LRRC3B: variants seen among roughly 807,000 people sequenced by gnomAD.
LRRC3B encodes the protein leucine-rich repeat-containing protein 3B.
Under a neutral mutation model 12.8 loss-of-function variants are expected in LRRC3B, and 2 were observed. That is an observed-to-expected ratio of 0.16 (90% CI 0.06 to 0.49). The LOEUF (loss-of-function observed/expected upper bound fraction) is 0.49. Among genes scored for constraint, LRRC3B ranks in the 20% least tolerant of loss-of-function variants. The probability of loss-of-function intolerance (pLI) is 0.96; values close to 1 mark genes in which losing one functional copy is unlikely to be tolerated. For missense variants in LRRC3B, 189 were observed against 319.4 expected, an observed-to-expected ratio of 0.59 and a Z score of 3.11; for synonymous variants, 132 against 122.0, an observed-to-expected ratio of 1.08 and a Z score of -0.54.
intron 1 of LRRC3B, among the ~76,000 whole-genome samples, chr3:26,656,053 C>A (rs1186114964): frequency 6.6e-6 from 1 of 152,134 alleles, no homozygotes; most frequent in African/African-American, 2.4e-5. Flanking sequence ...ACTGACTATG[C>A]CTGGTTGTTC....
chr3:26,662,793 C>A (rs750270398), intron 1 of LRRC3B, among the ~76,000 whole-genome samples: 1 of 151,970 alleles, frequency 6.6e-6, no homozygotes, highest in Non-Finnish European at 1.5e-5. Context: ...AGTCTTTTCT[C>A]GGGTTAGTGG....
At chr3:26,662,146 T>G (rs558317385) in intron 1 of LRRC3B, among the ~76,000 whole-genome samples, 69 of 152,300 alleles carry the variant, frequency 4.5e-4, no homozygotes, top group African/African-American at 1.6e-3. Flanking sequence ...CTCTTGAGTT[T>G]GATAATTGAG....
chr3:26,666,400 G>T (rs1699604308), intron 1 of LRRC3B, among the ~76,000 whole-genome samples: 2 of 150,138 alleles, frequency 1.3e-5, no homozygotes. Context: ...TCTGATAATA[G>T]AAAATGTTAA....
At chr3:26,708,351 A>G (rs891163974) in intron 1 of LRRC3B, among the ~76,000 whole-genome samples, 15 of 152,256 alleles carry the variant, frequency 9.9e-5, no homozygotes, top group African/African-American at 3.6e-4. Context: ...ACATAACAGC[A>G]TCAGAAATCA....
intron 1 of LRRC3B, among the ~76,000 whole-genome samples, chr3:26,649,683 C>T (rs1407927266): frequency 1.3e-5 from 2 of 152,148 alleles, no homozygotes; most frequent in African/African-American, 4.8e-5. Flanking sequence ...CTGACAGATT[C>T]ATCATGTTAA....
At chr3:26,625,141 C>T (rs1051545809) in intron 1 of LRRC3B, 1 of 152,636 alleles carries the variant, frequency 6.6e-6, no homozygotes, top group South Asian at 2.1e-4. Flanking sequence ...TTCAGACCTT[C>T]CACGTGCAGG....
At chr3:26,684,287 C>T (rs1272829133) in intron 1 of LRRC3B, among the ~76,000 whole-genome samples, 1 of 152,186 alleles carries the variant, frequency 6.6e-6, no homozygotes, top group Non-Finnish European at 1.5e-5. Context: ...TTAAGTCAGC[C>T]TCAATCTATA....
rs570842930 is a variant in LRRC3B, at chr3:26,638,256, T to TA, written c.-161+15027dup. 4.5e-4 allele frequency among the ~76,000 whole-genome samples: 69 copies of TA among 151,950 alleles called. 1 individual carries two copies. In the South Asian group the frequency reaches 0.014, roughly 32 times the overall value. Reference sequence around the variant, plus strand: ...CTATCATGACTTTAATGTCATGATATAAAAAAAATTTCAGGATTTGTAGAA... The same window carrying TA: ...CTATCATGACTTTAATGTCATGATATAAAAAAAAATTTCAGGATTTGTAGAA... On this transcript the variant is annotated intron_variant, in intron 1 of 1. Transcript: ENST00000396641.
intron 1 of LRRC3B, among the ~76,000 whole-genome samples, chr3:26,670,661 T>G (rs1699701161): frequency 6.6e-6 from 1 of 152,182 alleles, no homozygotes; most frequent in Admixed American, 6.5e-5. Flanking sequence ...AAGTAGTGAG[T>G]CCACATATGA....
At chr3:26,707,832 A>G (rs957640806) in intron 1 of LRRC3B, among the ~76,000 whole-genome samples, 1 of 151,920 alleles carries the variant, frequency 6.6e-6, no homozygotes, top group Non-Finnish European at 1.5e-5. Flanking sequence ...CATGCAATAC[A>G]GTTTTGAAGG....
In LRRC3B at chr3:26,709,669, C is replaced by T; in HGVS notation, c.-4C>T. On this transcript the variant is annotated 5_prime_UTR_variant, in exon 2 of 2. It introduces an in-frame stop codon into an upstream open reading frame of the 5' UTR. Transcript: ENST00000396641. ...TGGGCTCGTGATTATGCTGACATTC[C>T]AGCATGAATCTGGTAGACCTGTGGT... The T allele has an allele frequency of 6.2e-7, 1 of 1,611,722 alleles. No homozygotes were observed. The highest frequency in any genetic ancestry group is 1.1e-5 in the South Asian group (1 of 90,866).
At chr3:26,701,877 A>T (rs1242048133) in intron 1 of LRRC3B, among the ~76,000 whole-genome samples, 1 of 152,196 alleles carries the variant, frequency 6.6e-6, no homozygotes, top group Admixed American at 6.5e-5. Flanking sequence ...TTCCAAAAAA[A>T]GTTATATGGT....
At chr3:26,674,985 G>A (rs141612006) in intron 1 of LRRC3B, among the ~76,000 whole-genome samples, 108 of 152,238 alleles carry the variant, frequency 7.1e-4, no homozygotes, top group African/African-American at 2.5e-3. Context: ...GATATTCCGT[G>A]ACATGACTTG....
intron 1 of LRRC3B, among the ~76,000 whole-genome samples, chr3:26,698,119 A>T (rs1026794515): frequency 6.6e-6 from 1 of 151,860 alleles, no homozygotes; most frequent in African/African-American, 2.4e-5. Flanking sequence ...TGATGATGAT[A>T]GTGGTGGTGG....
At chr3:26,632,588 G>A (rs934756034) in intron 1 of LRRC3B, among the ~76,000 whole-genome samples, 25 of 152,040 alleles carry the variant, frequency 1.6e-4, no homozygotes, top group African/African-American at 6.0e-4. Flanking sequence ...GTAGGAAAGG[G>A]GTGATTCAGA....
intron 1 of LRRC3B, among the ~76,000 whole-genome samples, chr3:26,679,943 A>G (rs1699936321): frequency 6.6e-6 from 1 of 152,210 alleles, no homozygotes; most frequent in Non-Finnish European, 1.5e-5. Context: ...CCTGAGCTTC[A>G]TCTTCTTCAT....
At chr3:26,627,642 C>T (rs762669837) in intron 1 of LRRC3B, among the ~76,000 whole-genome samples, 33 of 151,958 alleles carry the variant, frequency 2.2e-4, no homozygotes, top group Middle Eastern at 3.4e-3. Context: ...TTTTTCCTAC[C>T]CTCGACCTCA....
At chr3:26,704,039 TC>T (rs1371811753) in intron 1 of LRRC3B, among the ~76,000 whole-genome samples, 1 of 152,028 alleles carries the variant, frequency 6.6e-6, no homozygotes, top group Non-Finnish European at 1.5e-5. Flanking sequence ...ATTCCTCTTC[TC>T]CCCCTGACAG....
chr3:26,696,011 TC>T (rs1193023150), intron 1 of LRRC3B, among the ~76,000 whole-genome samples: 1 of 152,248 alleles, frequency 6.6e-6, no homozygotes, highest in Non-Finnish European at 1.5e-5. Context: ...ATCAGCTGGC[TC>T]GTTCAATGAT....
Sources: allele counts gnomAD v4.1 joint callset (sites outside exome capture counted in the v4.1 genomes callset), GRCh38; gene constraint gnomAD v4.1.1; transcripts MANE v1.5; gene names NCBI Gene and HGNC (gene_info 2026-07-23, HGNC 2026-07-21).